Variants in TRPM1 observed in about 807,000 individuals in gnomAD.
The protein encoded by TRPM1 is transient receptor potential cation channel subfamily M member 1, also known as TRPM1-203 APA Isoform, Intron 10.
In TRPM1, 113 loss-of-function variants were observed where a neutral mutation model predicts 149.4. The observed-to-expected ratio is 0.76, with a 90% CI of 0.65 to 0.88. The LOEUF (loss-of-function observed/expected upper bound fraction) is 0.88. TRPM1 is among the 40% of genes least tolerant of loss of function. TRPM1 has a pLI of 0.00. For synonymous variants in TRPM1, 741 were observed against 759.5 expected (o/e 0.98, Z 0.40); for missense variants, 1,976 against 2,038.7 (o/e 0.97, Z 0.59).
intron 12 of TRPM1, 100 bp downstream of exon 12, chr15:31,050,309 G>A: frequency 6.4e-7 from 1 of 1,570,686 alleles, no homozygotes; most frequent in East Asian, 2.2e-5. Context: ...GTCCCTCCTG[G>A]GATCAGGGCC....
intron 1 of TRPM1, among the ~76,000 whole-genome samples, chr15:31,134,291 C>T (rs1047399494): frequency 2.0e-5 from 3 of 152,176 alleles, no homozygotes; most frequent in Non-Finnish European, 4.4e-5. Flanking sequence ...TCAGGACATG[C>T]CAACCCAAAA....
intron 11 of TRPM1, 199 bp downstream of exon 11, chr15:31,060,345 G>A (rs2034193047): frequency 1.6e-6 from 1 of 633,448 alleles, no homozygotes; most frequent in African/African-American, 1.8e-5. Flanking sequence ...CAGGAGTACT[G>A]GTTTGAATGT....
At position 31,042,343 on chromosome 15, in the gene TRPM1, T is replaced by C. The variant is rs2033646128; in HGVS notation, c.1795-100A>G. 4 of 1,240,228 alleles carry C rather than the reference T, an allele frequency of 3.2e-6. No individual in the cohort carries two copies. The South Asian group carries it at 3.9e-5, about 12-fold the overall frequency. The allele number at this position is 1,240,228 out of a possible 1,614,324, so 76.8% of individuals were successfully genotyped here. A position where few individuals can be genotyped will look rare whatever the true frequency, so the allele number is the denominator to read the frequency against. On this transcript the variant is annotated intron_variant, in intron 16 of 27. Transcript: ENST00000256552. ...AGGGAACCCTTTCTGTCAGAGGTAATAAAGAGACTTCTGAAGTACATCTTA... is the reference window on the plus strand; with the variant it reads ...AGGGAACCCTTTCTGTCAGAGGTAACAAAGAGACTTCTGAAGTACATCTTA...
chr15:31,128,354 C>T (rs1270806980), intron 1 of TRPM1, among the ~76,000 whole-genome samples: 4 of 152,184 alleles, frequency 2.6e-5, no homozygotes, highest in Non-Finnish European at 4.4e-5. Flanking sequence ...CTAGCCTGCC[C>T]GTCTCTTTCG....
intron 27 of TRPM1, among the ~76,000 whole-genome samples, chr15:31,015,428 AAAG>A (rs1181051851): frequency 4.0e-5 from 6 of 151,820 alleles, no homozygotes; most frequent in African/African-American, 9.7e-5. Context: ...AAAAAAAAGA[AAAG>A]AAGAGAAAAA....
At chr15:31,007,765 T>A (rs1476432922) in intron 27 of TRPM1, among the ~76,000 whole-genome samples, 1 of 152,240 alleles carries the variant, frequency 6.6e-6, no homozygotes, top group African/African-American at 2.4e-5. Flanking sequence ...ACAGATAAAC[T>A]TGGGGAGAAC....
Position 31,152,977 on chromosome 15 carries a change from G to A in TRPM1, c.54+7929C>T, listed in dbSNP as rs561587666. ...GATCTCAAGGCCTTTGTAGCAATAA[G>A]ACACTAAATTCCAGGCTGACTCTAG... On this transcript the variant is annotated intron_variant, in intron 1 of 26. Coordinates refer to the TRPM1 transcript ENST00000542188. Among the ~76,000 whole-genome samples the A allele has an allele frequency of 1.8e-4, 27 of 152,284 alleles. 1 individual carries two copies. The East Asian group carries it at 5.0e-3, about 28-fold the overall frequency.
chr15:31,035,315 T>A (rs891178151), intron 21 of TRPM1, among the ~76,000 whole-genome samples: 7 of 152,202 alleles, frequency 4.6e-5, no homozygotes, highest in Admixed American at 4.6e-4. Flanking sequence ...TAATTTTTTT[T>A]ATTTTTAGTA....
chr15:31,140,918 T>C (rs1437784100), intron 1 of TRPM1, among the ~76,000 whole-genome samples: 2 of 152,122 alleles, frequency 1.3e-5, no homozygotes, highest in Admixed American at 1.3e-4. Context: ...AACTCCTGGG[T>C]TCAAGTGATT....
intron 22 of TRPM1, among the ~76,000 whole-genome samples, chr15:31,031,951 G>A (rs950543239): frequency 2.0e-5 from 3 of 151,770 alleles, no homozygotes; most frequent in Non-Finnish European, 2.9e-5. Context: ...ATTGGCCCTG[G>A]GCTCCCTTTG....
chr15:31,078,801 A>G (rs2034781484), intron 2 of TRPM1, among the ~76,000 whole-genome samples: 1 of 152,204 alleles, frequency 6.6e-6, no homozygotes, highest in South Asian at 2.1e-4. Flanking sequence ...AGAAGCTGGG[A>G]AGCCCTTGTT....
chr15:31,093,240 G>A (rs555744728), intron 1 of TRPM1, among the ~76,000 whole-genome samples: 8 of 129,920 alleles, frequency 6.2e-5, no homozygotes, highest in East Asian at 2.2e-4. Context: ...CAGCCTGGGC[G>A]ACAGAGTGAG....
rs1293977752 is a variant in TRPM1 at position 31,030,882 on chromosome 15, AT to A, written c.3127+100del. ...TGATGCCTATGGTGGAGTGACAAATATTTTTTATTTCCAAATTAATACATGT... is the reference window on the plus strand; with the variant it reads ...TGATGCCTATGGTGGAGTGACAAATATTTTTATTTCCAAATTAATACATGT... On this transcript the variant is annotated intron_variant, in intron 23 of 27. Transcript: ENST00000256552. 7.0e-6 allele frequency: 10 copies of A among 1,424,012 alleles called. No homozygotes were observed. The African/African-American group carries it at 1.3e-4, about 18-fold the overall frequency. 88.2% of individuals were successfully genotyped at this position (1,424,012 alleles called of 1,614,324 possible).
At chr15:31,003,650 A>G (rs2031876062) in intron 27 of TRPM1, among the ~76,000 whole-genome samples, 1 of 152,198 alleles carries the variant, frequency 6.6e-6, no homozygotes, top group African/African-American at 2.4e-5. Flanking sequence ...TAAAATTAAA[A>G]TCCTTATTGA....
chr15:31,151,963 G>A lies in TRPM1; in HGVS notation c.54+8943C>T, dbSNP rs543469961. Among the ~76,000 whole-genome samples the A allele has an allele frequency of 1.6e-4, 24 of 152,334 alleles. 1 individual carries two copies. The highest frequency in any genetic ancestry group is 5.5e-4 in the African/African-American group (23 of 41,586). ...AGAAGAACAAGGAATCCAAGAGAAC[G>A]AGGTACTGGACTTGGACCTCCCTGG... On this transcript the variant is annotated intron_variant, in intron 1 of 26. Transcript: ENST00000542188.
intron 1 of TRPM1, among the ~76,000 whole-genome samples, chr15:31,152,717 G>A (rs570204871): frequency 2.6e-5 from 4 of 152,208 alleles, no homozygotes; most frequent in African/African-American, 7.2e-5. Context: ...ATCATGGCTC[G>A]CTGCAGCCTT....
intron 1 of TRPM1, among the ~76,000 whole-genome samples, chr15:31,132,513 A>G (rs979137615): frequency 5.3e-5 from 8 of 152,234 alleles, no homozygotes; most frequent in Non-Finnish European, 8.8e-5. Context: ...TCGCTGTGAT[A>G]ACGCATATGA....
intron 1 of TRPM1, among the ~76,000 whole-genome samples, chr15:31,091,133 T>C (rs915442821): frequency 6.6e-6 from 1 of 152,234 alleles, no homozygotes; most frequent in Non-Finnish European, 1.5e-5. Context: ...CTGATGACAT[T>C]GTCTGCAATT....
chr15:31,037,949 A>G lies in TRPM1; in HGVS notation c.2439+95T>C, dbSNP rs939574188. On this transcript the variant is annotated intron_variant, in intron 19 of 27. Transcript: ENST00000256552. ...AAAACACAATTCCAAAAATACCTTT[A>G]ACCAGTGAGATTTCTCAATCTGTGG... 4.3e-6 allele frequency: 7 copies of G among 1,611,844 alleles called. No individual in the cohort carries two copies. The Admixed American group carries it at 1.2e-4, about 27-fold the overall frequency.
Sources: allele counts gnomAD v4.1 joint callset (sites outside exome capture counted in the v4.1 genomes callset), GRCh38; gene constraint gnomAD v4.1.1; transcripts MANE v1.5; gene names NCBI Gene and HGNC (gene_info 2026-07-23, HGNC 2026-07-21).